Variants in DNM3 observed in about 807,000 individuals in gnomAD.
The protein encoded by DNM3 is dynamin-3.
A neutral mutation model predicts 101.6 loss-of-function variants in DNM3; 47 were observed. That is an observed-to-expected ratio of 0.46 (90% CI 0.37 to 0.59). The LOEUF is 0.59. DNM3 is among the 20% of genes least tolerant of loss of function. The pLI is 0.00. For missense variants in DNM3, 849 were observed against 1,085.7 expected (o/e 0.78, Z 3.06); for synonymous variants, 385 against 387.9 (o/e 0.99, Z 0.09).
At chr1:171,846,587 G>T (rs986813665) in intron 1 of DNM3, among the ~76,000 whole-genome samples, 38 of 152,034 alleles carry the variant, frequency 2.5e-4, no homozygotes, top group Admixed American at 1.3e-4. Context: ...ATTTATTATT[G>T]TCATTTATTT....
At chr1:171,866,834 T>C (rs4916404) in intron 1 of DNM3, among the ~76,000 whole-genome samples, 113,686 of 152,016 alleles carry the variant, frequency 0.75, 43,204 homozygotes, top group African/African-American at 0.9. Flanking sequence ...CACATTATAA[T>C]TCTCACATAG....
At chr1:171,939,393 T>A (rs994732877) in intron 2 of DNM3, among the ~76,000 whole-genome samples, 10 of 152,190 alleles carry the variant, frequency 6.6e-5, no homozygotes, top group African/African-American at 2.4e-4. Context: ...GTTTATTTGT[T>A]CTATTTTAGG....
At chr1:172,315,758 C>G (rs2065310645) in intron 16 of DNM3, among the ~76,000 whole-genome samples, 1 of 152,198 alleles carries the variant, frequency 6.6e-6, no homozygotes, top group African/African-American at 2.4e-5. Flanking sequence ...AAATCTGCGT[C>G]TGATTGGTGT....
intron 14 of DNM3, among the ~76,000 whole-genome samples, chr1:172,172,053 T>C (rs1196873825): frequency 3.3e-5 from 5 of 151,258 alleles, no homozygotes; most frequent in African/African-American, 1.2e-4. Context: ...ATTGATGGAG[T>C]AAACAGGGTG....
At chr1:172,097,385 G>A (rs996380962) in intron 13 of DNM3, among the ~76,000 whole-genome samples, 1 of 151,210 alleles carries the variant, frequency 6.6e-6, no homozygotes, top group Non-Finnish European at 1.5e-5. Flanking sequence ...GGGTGACAAA[G>A]CAAGACTGTC....
At chr1:172,245,592 G>C (rs1486688699) in intron 14 of DNM3, among the ~76,000 whole-genome samples, 1 of 152,228 alleles carries the variant, frequency 6.6e-6, no homozygotes, top group Non-Finnish European at 1.5e-5. Flanking sequence ...TATCACAGGA[G>C]TAGTTTGAAT....
chr1:171,930,794 C>G (rs950503370), intron 2 of DNM3, among the ~76,000 whole-genome samples: 1 of 152,190 alleles, frequency 6.6e-6, no homozygotes, highest in Non-Finnish European at 1.5e-5. Flanking sequence ...TATTTACTTG[C>G]CCCTTCTGTG....
At chr1:171,930,363 C>T (rs1432269254) in intron 2 of DNM3, among the ~76,000 whole-genome samples, 1 of 152,158 alleles carries the variant, frequency 6.6e-6, no homozygotes, top group East Asian at 1.9e-4. Context: ...CACTTCTCAG[C>T]CCCCTGGATT....
intron 15 of DNM3, among the ~76,000 whole-genome samples, chr1:172,270,292 A>G (rs1573227533): frequency 6.6e-6 from 1 of 151,956 alleles, no homozygotes; most frequent in East Asian, 1.9e-4. Context: ...GCCAAACAGC[A>G]CTTGTAACTA....
intron 14 of DNM3, among the ~76,000 whole-genome samples, chr1:172,160,399 T>C (rs1046691077): frequency 1.3e-5 from 2 of 152,130 alleles, no homozygotes; most frequent in Admixed American, 1.3e-4. Flanking sequence ...TTTAATATCC[T>C]TATTCTATAT....
intron 18 of DNM3, among the ~76,000 whole-genome samples, chr1:172,379,397 C>T (rs2068773633): frequency 1.3e-5 from 2 of 151,920 alleles, no homozygotes; most frequent in Admixed American, 6.6e-5. Flanking sequence ...GAGGTATTCC[C>T]CATTGGCTGT....
At chr1:171,850,182 A>T (rs760569906) in intron 1 of DNM3, among the ~76,000 whole-genome samples, 15 of 152,220 alleles carry the variant, frequency 9.9e-5, no homozygotes, top group Non-Finnish European at 1.8e-4. Context: ...GTGTAATTAG[A>T]TCTTAAAAGA....
chr1:172,228,298 G>C (rs1450580958), intron 14 of DNM3, among the ~76,000 whole-genome samples: 1 of 151,738 alleles, frequency 6.6e-6, no homozygotes, highest in African/African-American at 2.4e-5. Context: ...CTATTTTGTG[G>C]GGAAGGGTAG....
intron 14 of DNM3, among the ~76,000 whole-genome samples, chr1:172,181,031 A>C (rs2059325464): frequency 6.6e-6 from 1 of 152,024 alleles, no homozygotes; most frequent in Non-Finnish European, 1.5e-5. Flanking sequence ...GGCTCTGGGG[A>C]ACACAGCTCT....
At chr1:172,147,247 A>T (rs990730643) in intron 14 of DNM3, among the ~76,000 whole-genome samples, 3 of 152,166 alleles carry the variant, frequency 2.0e-5, no homozygotes, top group Admixed American at 1.3e-4. Context: ...TCTGTTACCA[A>T]GTGCAGTTTA....
At chr1:172,104,133 T>G (rs2054844436) in intron 13 of DNM3, among the ~76,000 whole-genome samples, 1 of 152,234 alleles carries the variant, frequency 6.6e-6, no homozygotes, top group African/African-American at 2.4e-5. Context: ...TTTTAGGATT[T>G]TAAAAATAGT....
intron 20 of DNM3, among the ~76,000 whole-genome samples, chr1:172,401,948 CAAG>C (rs1353493680): frequency 6.6e-6 from 1 of 152,144 alleles, no homozygotes; most frequent in Non-Finnish European, 1.5e-5. Flanking sequence ...CAGACATTCA[CAAG>C]AAGAAGTAGG....
At chr1:172,305,029 G>A (rs541039487) in intron 15 of DNM3, among the ~76,000 whole-genome samples, 14 of 152,108 alleles carry the variant, frequency 9.2e-5, no homozygotes, top group African/African-American at 2.7e-4. Context: ...AAATAACTAA[G>A]ATCAGAGCAG....
intron 16 of DNM3, among the ~76,000 whole-genome samples, chr1:172,317,659 G>A (rs150097023): frequency 0.052 from 7,928 of 152,268 alleles, 276 homozygotes; most frequent in South Asian, 0.11. Flanking sequence ...TAAATTTCTC[G>A]ACACATACAC....
Sources: allele counts gnomAD v4.1 joint callset (sites outside exome capture counted in the v4.1 genomes callset), GRCh38; gene constraint gnomAD v4.1.1; transcripts MANE v1.5; gene names NCBI Gene and HGNC (gene_info 2026-07-23, HGNC 2026-07-21).